Variants in EPC1 observed in about 807,000 individuals in gnomAD.
EPC1 encodes the protein enhancer of polycomb homolog 1.
Under a neutral mutation model 98.4 loss-of-function variants are expected in EPC1, and 12 were observed. The ratio of observed to expected loss-of-function variants is 0.12; its 90% CI spans 0.08 to 0.20. The LOEUF is 0.20. Ranked by LOEUF, EPC1 falls within the 10% of genes least tolerant of loss-of-function variation. The probability of loss-of-function intolerance (pLI) is 1.00; values close to 1 mark genes in which losing one functional copy is unlikely to be tolerated. For missense variants in EPC1, 729 were observed against 990.5 expected (o/e 0.74, Z 3.54); for synonymous variants, 357 against 363.9 (o/e 0.98, Z 0.21).
chr10:32,349,431 A>T (rs572147447), upstream of EPC1, among the ~76,000 whole-genome samples: 1 of 152,212 alleles, frequency 6.6e-6, no homozygotes, highest in Non-Finnish European at 1.5e-5. Flanking sequence ...CTTTTGGCAG[A>T]TAATATTATA....
chr10:32,300,068 C>T (rs985873072), intron 2 of EPC1, among the ~76,000 whole-genome samples: 5 of 151,730 alleles, frequency 3.3e-5, no homozygotes, highest in East Asian at 1.9e-4. Flanking sequence ...CCTGCCACCA[C>T]GCCCGGCTAA....
At chr10:32,365,819 C>CAAAAAAA (rs55769539) in intron 1 of EPC1, among the ~76,000 whole-genome samples, 4 of 38,432 alleles carry the variant, frequency 1.0e-4, no homozygotes, top group African/African-American at 5.4e-4. Flanking sequence ...CTCCGTCTCA[C>CAAAAAAA]AAAAAAAAAA....
At chr10:32,355,891 G>A (rs1005845813) in intron 1 of EPC1, among the ~76,000 whole-genome samples, 1 of 152,190 alleles carries the variant, frequency 6.6e-6, no homozygotes, top group Non-Finnish European at 1.5e-5. Context: ...GATTACAGGT[G>A]TAAGCCACTG....
chr10:32,272,387 A>G (rs1377270931), intron 11 of EPC1: 11 of 473,684 alleles, frequency 2.3e-5, no homozygotes, highest in Non-Finnish European at 3.7e-5. Context: ...ATTTTGCTTC[A>G]TATGTGACAA....
chr10:32,316,597 C>CA (rs1224533520), intron 1 of EPC1, among the ~76,000 whole-genome samples: 1 of 152,080 alleles, frequency 6.6e-6, no homozygotes, highest in Non-Finnish European at 1.5e-5. Context: ...TCTCAACTGG[C>CA]AAAAATAATC....
At chr10:32,280,953 A>G (rs1289321356) in intron 10 of EPC1, among the ~76,000 whole-genome samples, 1 of 152,154 alleles carries the variant, frequency 6.6e-6, no homozygotes, top group Admixed American at 6.5e-5. Context: ...ACCTGATACT[A>G]CAAGTGGAAA....
chr10:32,290,478 T>C (rs1457712306), intron 6 of EPC1, among the ~76,000 whole-genome samples: 1 of 6,090 alleles, frequency 1.6e-4, no homozygotes, highest in Non-Finnish European at 3.2e-4. Context: ...AGAGCAAGAC[T>C]CTGTCAAAAA....
intron 6 of EPC1, among the ~76,000 whole-genome samples, chr10:32,290,518 A>G (rs1836950991): frequency 7.1e-6 from 1 of 141,552 alleles, no homozygotes; most frequent in Non-Finnish European, 1.6e-5. Context: ...AGAAAGAAAG[A>G]AAAACTCATC....
At chr10:32,367,512 T>G (rs1200531875) in intron 1 of EPC1, among the ~76,000 whole-genome samples, 1 of 152,202 alleles carries the variant, frequency 6.6e-6, no homozygotes, top group Non-Finnish European at 1.5e-5. Context: ...CAACTCAAAA[T>G]TTAAAATTCC....
At chr10:32,341,218 T>C (rs1190223075) in intron 1 of EPC1, among the ~76,000 whole-genome samples, 1 of 152,218 alleles carries the variant, frequency 6.6e-6, no homozygotes, top group Non-Finnish European at 1.5e-5. Context: ...CCTTAACTTT[T>C]CAAGAAAATT....
intron 1 of EPC1, among the ~76,000 whole-genome samples, chr10:32,324,461 G>A (rs1837140027): frequency 6.6e-6 from 1 of 150,702 alleles, no homozygotes; most frequent in African/African-American, 2.4e-5. Context: ...AACTCGAGAT[G>A]CCAGGCTGCA....
intron 1 of EPC1, among the ~76,000 whole-genome samples, chr10:32,369,422 A>C (rs999019841): frequency 6.6e-6 from 1 of 152,218 alleles, no homozygotes; most frequent in African/African-American, 2.4e-5. Flanking sequence ...AAAATACAGT[A>C]AATATAAATA....
At chr10:32,344,899 TG>T (rs1838654467) in intron 1 of EPC1, among the ~76,000 whole-genome samples, 1 of 152,198 alleles carries the variant, frequency 6.6e-6, no homozygotes, top group African/African-American at 2.4e-5. Flanking sequence ...TTGTAACTCT[TG>T]GGACTGTCCA....
intron 1 of EPC1, among the ~76,000 whole-genome samples, chr10:32,340,634 A>T (rs1009444084): frequency 1.3e-5 from 2 of 152,156 alleles, no homozygotes; most frequent in Admixed American, 1.3e-4. Flanking sequence ...GTTTGAGAAC[A>T]GCCCAGGCAA....
At chr10:32,362,414 G>A (rs1363055493) in intron 1 of EPC1, among the ~76,000 whole-genome samples, 1 of 152,030 alleles carries the variant, frequency 6.6e-6, no homozygotes, top group Non-Finnish European at 1.5e-5. Context: ...TAGTGAGTGA[G>A]TTTTCATGAG....
chr10:32,302,907 G>A (rs2132802853), intron 2 of EPC1, among the ~76,000 whole-genome samples: 1 of 152,158 alleles, frequency 6.6e-6, no homozygotes, highest in Non-Finnish European at 1.5e-5. Flanking sequence ...AATATAAAAT[G>A]GTACATCTAC....
At chr10:32,306,922 G>C (rs1358273856) in intron 1 of EPC1, among the ~76,000 whole-genome samples, 1 of 151,724 alleles carries the variant, frequency 6.6e-6, no homozygotes, top group Admixed American at 6.6e-5. Flanking sequence ...CTAATAGTAT[G>C]AAAAGTTCCA....
At chr10:32,345,832 G>C (rs1242561654) in intron 1 of EPC1, among the ~76,000 whole-genome samples, 1 of 152,154 alleles carries the variant, frequency 6.6e-6, no homozygotes, top group Admixed American at 6.5e-5. Flanking sequence ...ATCCTCCTTC[G>C]AAATTTAGAT....
At chr10:32,371,518 G>T (rs1483915374) in intron 1 of EPC1, among the ~76,000 whole-genome samples, 1 of 152,092 alleles carries the variant, frequency 6.6e-6, no homozygotes, top group Non-Finnish European at 1.5e-5. Flanking sequence ...TAAAGTATGC[G>T]TGCTATTTTA....
Sources: gnomAD v4.1 joint callset for allele counts (sites outside exome capture counted in the v4.1 genomes callset) on GRCh38, gnomAD v4.1.1 for gene constraint, MANE v1.5 for transcripts, NCBI Gene and HGNC (gene_info 2026-07-23, HGNC 2026-07-21) for gene names.